The following ABCB8 variants were observed in gnomAD, a reference collection of about 807,000 sequenced individuals.
ABCB8 encodes mitochondrial potassium channel ATP-binding subunit.
ABCB8 carries 52 observed loss-of-function variants against 73.0 expected under a neutral mutation model. The ratio of observed to expected loss-of-function variants is 0.71; its 90% CI spans 0.57 to 0.90. The LOEUF (loss-of-function observed/expected upper bound fraction) is 0.90, where lower values mean the gene tolerates loss of function less well. ABCB8 is among the 40% of genes least tolerant of loss of function. ABCB8 has a pLI of 0.00. For missense variants in ABCB8, 909 were observed against 974.6 expected (o/e 0.93, Z 0.90); for synonymous variants, 428 against 423.5 (o/e 1.01, Z -0.13).
rs1219634988 is a variant in ABCB8 at position 151,040,579 on chromosome 7, T to C, written c.1333T>C (p.Cys445Arg). The part of the protein sequence containing the change: ...NPCIPLSGGC[C>R]VPKEQLRGSV... The stretch of plus-strand genomic sequence containing the variant: ...CTGCATCCCACTGTCTGGGGGCTGC[T>C]GCGTCCCCAAAGAGCAGCTGCGTGG... Residue 445 changes from cysteine (C) to arginine (R), a missense_variant, in exon 11 of 16, where the codon TGC becomes CGC. By Grantham distance (180) the Cys-to-Arg change is radical (BLOSUM62 -3). Transcript: ENST00000358849. 3 of 1,613,370 alleles carry C rather than the reference T, an allele frequency of 1.9e-6. No individual in the cohort carries two copies. Among genetic ancestry groups the C allele is most frequent in the South Asian group, 1.1e-5 (1 of 91,078 alleles).
In ABCB8 at chr7:151,031,866, A is replaced by G. The variant is rs1796174055; in HGVS notation, c.96-1739A>G. Among the ~76,000 whole-genome samples, 5 of 152,246 alleles carry G rather than the reference A, an allele frequency of 3.3e-5. No homozygotes were observed. The South Asian group carries it at 1.0e-3, about 32-fold the overall frequency. ...TGGCCTCAAATGATCCACCCGCCTC[A>G]GCCTCCCAAAGTGTTGGGATTACAG... On this transcript the variant is annotated intron_variant, in intron 1 of 15. Transcript: ENST00000358849.
intron 14 of ABCB8, among the ~76,000 whole-genome samples, chr7:151,043,401 G>T (rs1469260970): frequency 6.6e-6 from 1 of 152,036 alleles, no homozygotes; most frequent in Non-Finnish European, 1.5e-5. Context: ...GTGGGGTGGG[G>T]GGTCAGAGGC....
rs1296602053 is a variant in ABCB8, at chr7:151,035,698, A to T, written c.883A>T (p.Met295Leu). The change falls in exon 6 of 16, where the codon ATG becomes TTG. Residue 295 changes from methionine to leucine, a missense_variant. Coordinates refer to ENST00000358849, the MANE Select transcript of ABCB8 (RefSeq NM_007188.5). ...TPALMGVGTLMGSGLRKLSRQ... is the reference protein window; with the variant it reads ...TPALMGVGTLLGSGLRKLSRQ... Reference sequence around the variant, plus strand: ...AGCCCTGATGGGAGTGGGCACCCTGATGGGCTCAGGCCTCCGAAAATTGTC... The same window carrying T: ...AGCCCTGATGGGAGTGGGCACCCTGTTGGGCTCAGGCCTCCGAAAATTGTC... 6.2e-7 allele frequency: 1 copy of T among 1,613,478 alleles called. No individual in the cohort carries two copies. Among genetic ancestry groups the T allele is most frequent in the African/African-American group, 1.3e-5 (1 of 74,902 alleles).
Position 151,036,663 on chromosome 7 carries a change from G to T in ABCB8, c.1217+14G>T, listed in dbSNP as rs1331772582. 7 of 1,577,998 alleles carry T rather than the reference G, an allele frequency of 4.4e-6. No individual in the cohort carries two copies. Among genetic ancestry groups the T allele is most frequent in the Admixed American group, 1.7e-5 (1 of 57,312 alleles). The stretch of plus-strand genomic sequence containing the variant: ...GACAGTGCAAAGGTAAGTGGGGGCC[G>T]TTCCCATTGCTACAGAGCCCCCTGC... On this transcript the variant is annotated intron_variant, in intron 9 of 15. Coordinates refer to ENST00000358849, the MANE Select transcript of ABCB8 (RefSeq NM_007188.5).
intron 12 of ABCB8, 79 bp downstream of exon 12, chr7:151,041,001 C>A: frequency 6.2e-7 from 1 of 1,608,784 alleles, no homozygotes; most frequent in Non-Finnish European, 8.5e-7. Context: ...GCAGTGAGCC[C>A]CCGGTGGGGT....
chr7:151,029,226 G>A, intron 1 of ABCB8: 1 of 183,600 alleles, frequency 5.4e-6, no homozygotes, highest in Non-Finnish European at 1.2e-5. Context: ...GCTTCAACCC[G>A]GGAGGCGGAG....
At chr7:151,032,480 G>T (rs1292773164) in intron 1 of ABCB8, among the ~76,000 whole-genome samples, 2 of 152,194 alleles carry the variant, frequency 1.3e-5, no homozygotes, top group Non-Finnish European at 2.9e-5. Context: ...TGGATCATGA[G>T]GTCAGGAGTT....
In ABCB8 at chr7:151,047,746, G is replaced by C. The variant is rs1796653593; in HGVS notation, c.*2397G>C. 6.6e-6 allele frequency: 1 copy of C among 152,254 alleles called. No homozygotes were observed. Among genetic ancestry groups the C allele is most frequent in the Non-Finnish European group, 1.5e-5 (1 of 68,060 alleles). The allele number at this position is 152,254 out of a possible 1,614,324, so 9.4% of individuals were successfully genotyped here. On this transcript the variant is annotated 3_prime_UTR_variant, in exon 16 of 16. Coordinates refer to ENST00000358849, the MANE Select transcript of ABCB8 (RefSeq NM_007188.5). ...TGGACACCCCCAGTGCCCATCAGTG[G>C]GGGAGTCATTAAATAAACTATGGTA...
intron 15 of ABCB8, among the ~76,000 whole-genome samples, chr7:151,044,846 T>C (rs1796573293): frequency 6.6e-6 from 1 of 152,160 alleles, no homozygotes; most frequent in African/African-American, 2.4e-5. Flanking sequence ...AAGGAACCTG[T>C]GCAGGGAGTC....
intron 14 of ABCB8, 47 bp from the exon 15 acceptor site, chr7:151,043,924 C>T: frequency 3.1e-6 from 5 of 1,595,810 alleles, no homozygotes; most frequent in Non-Finnish European, 4.3e-6. Context: ...TGTGGGCCAC[C>T]CTCAAGTGCA....
Position 151,028,585 on chromosome 7 carries a change from C to T in ABCB8, c.70C>T (p.Arg24Cys), listed in dbSNP as rs773988879. ...CCCAGGCAGGCTGCTACCGCCCCTC[C>T]GCTTCCAGACATTCTCAGCTGTCAG... ...PFPGRLLPPL[R>C]FQTFSAVRYS... Residue 24 changes from arginine (R) to cysteine (C), a missense_variant, in exon 1 of 16, where the codon CGC becomes TGC. Coordinates refer to ENST00000358849, the MANE Select transcript of ABCB8 (RefSeq NM_007188.5). The T allele has an allele frequency of 6.2e-7, 1 of 1,613,920 alleles. No homozygotes were observed.
chr7:151,033,380 T>C (rs958279867), intron 1 of ABCB8: 65 of 1,382,280 alleles, frequency 4.7e-5, no homozygotes, highest in Non-Finnish European at 9.4e-6. Context: ...ATAAGACTTT[T>C]AAGACTAGAT....
intron 1 of ABCB8, chr7:151,031,521 C>G (rs1584945617): frequency 2.1e-6 from 1 of 477,190 alleles, no homozygotes; most frequent in African/African-American, 1.9e-5. Context: ...AACCTTTCCC[C>G]ATCAGTAAGC....
chr7:151,045,261 T>TCCGGAGGCAGGCCCTGGATGC lies in ABCB8; in HGVS notation c.2072_2092dup (p.Arg691_Ala697dup). ...AAAGGCGGGCTATACGCCGAGCTCA[T>TCCGGAGGCAGGCCCTGGATGC]CCGGAGGCAGGCCCTGGATGCCCCG... On this transcript the variant is annotated inframe_insertion, in exon 16 of 16. Coordinates refer to ENST00000358849, the MANE Select transcript of ABCB8 (RefSeq NM_007188.5). 6.2e-7 allele frequency: 1 copy of TCCGGAGGCAGGCCCTGGATGC among 1,604,718 alleles called. No homozygotes were observed. Among genetic ancestry groups the TCCGGAGGCAGGCCCTGGATGC allele is most frequent in the Non-Finnish European group, 8.5e-7 (1 of 1,175,288 alleles).
At chr7:151,031,548 G>A (rs1796163949) in intron 1 of ABCB8, 1 of 377,294 alleles carries the variant, frequency 2.7e-6, no homozygotes, top group African/African-American at 2.0e-5. Flanking sequence ...AGATCTTCTA[G>A]ATCTCACCAT....
intron 1 of ABCB8, among the ~76,000 whole-genome samples, chr7:151,030,892 A>G (rs1308161716): frequency 6.6e-6 from 1 of 152,282 alleles, no homozygotes; most frequent in Non-Finnish European, 1.5e-5. Flanking sequence ...GTCAGCCAGC[A>G]TAGCACCACT....
intron 5 of ABCB8, 46 bp downstream of exon 5, chr7:151,034,875 C>T: frequency 6.5e-7 from 1 of 1,534,496 alleles, no homozygotes; most frequent in Non-Finnish European, 9.0e-7. Flanking sequence ...CACACTTTCC[C>T]ATGTGGATTC....
At chr7:151,041,658 G>C (rs996797965) in intron 13 of ABCB8, among the ~76,000 whole-genome samples, 6 of 152,216 alleles carry the variant, frequency 3.9e-5, no homozygotes, top group Non-Finnish European at 4.4e-5. Flanking sequence ...CCGCCAGGGA[G>C]AGTGCCTGTG....
intron 9 of ABCB8, chr7:151,038,892 AG>A (rs2117227017): frequency 1.3e-5 from 2 of 152,354 alleles, no homozygotes; most frequent in South Asian, 4.1e-4. Context: ...TGTTTCCCAC[AG>A]GGTCCTGCCA....
Sources: allele counts gnomAD v4.1 joint callset (sites outside exome capture counted in the v4.1 genomes callset), GRCh38; gene constraint gnomAD v4.1.1; transcripts MANE v1.5; gene names NCBI Gene and HGNC (gene_info 2026-07-23, HGNC 2026-07-21).